The following RAB35 variants were observed in gnomAD, a reference collection of about 807,000 sequenced individuals.
RAB35 encodes RAB35, member RAS oncogene family.
RAB35 carries 4 observed loss-of-function variants against 28.9 expected under a neutral mutation model. That is an observed-to-expected ratio of 0.14 (90% CI 0.07 to 0.32). The LOEUF (loss-of-function observed/expected upper bound fraction) is 0.32, where lower values mean the gene tolerates loss of function less well. Ranked by LOEUF, RAB35 falls within the 10% of genes least tolerant of loss-of-function variation. The pLI, the probability that RAB35 is intolerant of heterozygous loss-of-function variation, is 1.00. For synonymous variants in RAB35, 99 were observed against 105.1 expected (o/e 0.94, Z 0.35); for missense variants, 128 against 274.0 (o/e 0.47, Z 3.76).
intron 2 of RAB35, among the ~76,000 whole-genome samples, chr12:120,105,443 G>C (rs1288740762): frequency 1.3e-5 from 2 of 152,188 alleles, no homozygotes; most frequent in Non-Finnish European, 2.9e-5. Context: ...AAGGCGAACT[G>C]AAAACAGACT....
intron 1 of RAB35, among the ~76,000 whole-genome samples, chr12:120,109,786 G>A (rs553195878): frequency 2.2e-4 from 34 of 151,900 alleles, no homozygotes; most frequent in African/African-American, 7.2e-4. Flanking sequence ...TTACAGGCAT[G>A]AGCCACTGCG....
At chr12:120,099,200 C>G in intron 3 of RAB35, 46 bp from the exon 4 acceptor site, 1 of 1,611,110 alleles carries the variant, frequency 6.2e-7, no homozygotes, top group Non-Finnish European at 8.5e-7. Context: ...CGACAGGAGT[C>G]ACCCCCTTGC....
rs1393901884 is a variant in RAB35, at chr12:120,103,750, T to G, written c.227+76A>C. 2 of 1,571,322 alleles carry G rather than the reference T, an allele frequency of 1.3e-6. No individual in the cohort carries two copies. The highest frequency in any genetic ancestry group is 1.7e-6 in the Non-Finnish European group (2 of 1,156,350). ...GGACCCACCAGTGACATTTCCACCA[T>G]GACCAGGCACCGGTCGCTCAACTGT... is the stretch of plus-strand genomic sequence containing the variant. On this transcript the variant is annotated intron_variant, in intron 3 of 5. Transcript: ENST00000229340. This position sits in a 1 kb window ranked among gnomAD's most constrained non-coding sequence, Gnocchi z 6.1.
intron 1 of RAB35, among the ~76,000 whole-genome samples, chr12:120,114,788 C>A (rs1034335109): frequency 2.6e-5 from 4 of 152,254 alleles, no homozygotes; most frequent in African/African-American, 4.8e-5. Context: ...CTGGGCTTTA[C>A]AGAGGAGAAG....
intron 1 of RAB35, among the ~76,000 whole-genome samples, chr12:120,111,069 G>C (rs978028346): frequency 6.6e-6 from 1 of 152,174 alleles, no homozygotes; most frequent in South Asian, 2.1e-4. Flanking sequence ...CGCCTCACCC[G>C]CCCTGTGCAT....
intron 2 of RAB35, among the ~76,000 whole-genome samples, chr12:120,105,100 G>A (rs186308549): frequency 3.9e-5 from 6 of 152,294 alleles, no homozygotes; most frequent in East Asian, 1.9e-4. Flanking sequence ...TGGCAAGGGC[G>A]TAGGAAAGGT....
At position 120,095,588 on chromosome 12, in the gene RAB35, C is replaced by T. The variant is rs1319583624; in HGVS notation, c.*1657G>A. The T allele has an allele frequency of 1.3e-5, 2 of 152,026 alleles. No individual in the cohort carries two copies. Among genetic ancestry groups the T allele is most frequent in the African/African-American group, 4.8e-5 (2 of 41,276 alleles). The allele number at this position is 152,026 out of a possible 1,614,324, so 9.4% of individuals were successfully genotyped here. A position where few individuals can be genotyped will look rare whatever the true frequency, so the allele number is the denominator to read the frequency against. ...TGCTCCTGCCGCCCCCGCCCCCGAC[C>T]AGATGAGGCTGCCTGCTGGTCAGCC... On this transcript the variant is annotated 3_prime_UTR_variant, in exon 6 of 6. Transcript: ENST00000229340.
intron 3 of RAB35, among the ~76,000 whole-genome samples, chr12:120,101,770 C>A (rs1044291872): frequency 1.1e-4 from 17 of 152,218 alleles, no homozygotes; most frequent in Non-Finnish European, 1.0e-4. Context: ...CCGCTGCCCA[C>A]AGGCCGCCCC....
At chr12:120,110,875 C>T (rs926239691) in intron 1 of RAB35, among the ~76,000 whole-genome samples, 3 of 152,224 alleles carry the variant, frequency 2.0e-5, no homozygotes, top group East Asian at 1.9e-4. Flanking sequence ...CTCCTTGCTC[C>T]GCCGTGAGGC....
intron 1 of RAB35, among the ~76,000 whole-genome samples, chr12:120,110,289 C>CCTTTTTTTTTTTTTTTTTTTTTT (rs1430969524): frequency 4.0e-5 from 1 of 24,966 alleles, no homozygotes; most frequent in African/African-American, 1.9e-4. Flanking sequence ...AAGCCCACAG[C>CCTTTTTTTTTTTTTTTTTTTTTT]ATTTTTTTTT....
chr12:120,104,974 GC>G (rs1396242504), intron 2 of RAB35, among the ~76,000 whole-genome samples: 1 of 152,158 alleles, frequency 6.6e-6, no homozygotes. Context: ...CGGTGTAATT[GC>G]CCAGTCCAGC....
At position 120,104,703 on chromosome 12, in the gene RAB35, G is replaced by A. The variant is rs184679016; in HGVS notation, c.104-754C>T. Among the ~76,000 whole-genome samples the A allele has an allele frequency of 4.8e-3, 729 of 152,254 alleles. 3 individuals carry two copies. Among genetic ancestry groups the A allele is most frequent in the Non-Finnish European group, 8.7e-3 (590 of 68,028 alleles). ...CTGTCGCCCAGGCTGGAGTGAAGTG[G>A]GATTGCACCCTTGACCTTCCCCCAG... On this transcript the variant is annotated intron_variant, in intron 2 of 5. Coordinates refer to ENST00000229340, the MANE Select transcript of RAB35 (RefSeq NM_006861.7).
Position 120,107,118 on chromosome 12 carries a change from C to A in RAB35, c.103+1299G>T, listed in dbSNP as rs562740111. ...ACTCTCCTGCCTCAGCCTCCCCAGTCGCTAGGATTATAGGTATGCACCACC... is the reference window on the plus strand; with the variant it reads ...ACTCTCCTGCCTCAGCCTCCCCAGTAGCTAGGATTATAGGTATGCACCACC... On this transcript the variant is annotated intron_variant, in intron 2 of 5. Transcript: ENST00000229340. Among the ~76,000 whole-genome samples the A allele has an allele frequency of 7.9e-5, 12 of 152,014 alleles. 1 individual carries two copies. Among genetic ancestry groups the A allele is most frequent in the Admixed American group, 4.6e-4 (7 of 15,260 alleles).
chr12:120,107,164 T>C (rs572122522), intron 2 of RAB35, among the ~76,000 whole-genome samples: 2 of 151,492 alleles, frequency 1.3e-5, no homozygotes, highest in South Asian at 2.1e-4. Context: ...AATTTTTGTA[T>C]TTTTAGTAGA....
At chr12:120,104,368 A>C in intron 2 of RAB35, among the ~76,000 whole-genome samples, 1 of 152,140 alleles carries the variant, frequency 6.6e-6, no homozygotes, top group East Asian at 1.9e-4. Flanking sequence ...TTCACTTCCA[A>C]ACACACAAAT....
chr12:120,096,796 C>A lies in RAB35; in HGVS notation c.*449G>T. 1 of 1,291,210 alleles carries A rather than the reference C, an allele frequency of 7.7e-7. No individual in the cohort carries two copies. Among genetic ancestry groups the A allele is most frequent in the South Asian group, 1.2e-5 (1 of 81,048 alleles). 80.0% of individuals were successfully genotyped at this position (1,291,210 alleles called of 1,614,324 possible). ...GCCCACTCCACTGGCACGGGCTGGCCGCAGACGCAGCTAGAACGTGCCGCT... is the reference window on the plus strand; with the variant it reads ...GCCCACTCCACTGGCACGGGCTGGCAGCAGACGCAGCTAGAACGTGCCGCT... On this transcript the variant is annotated 3_prime_UTR_variant, in exon 6 of 6. Coordinates refer to ENST00000229340, the MANE Select transcript of RAB35 (RefSeq NM_006861.7).
At chr12:120,111,860 C>T (rs1476975237) in intron 1 of RAB35, among the ~76,000 whole-genome samples, 1 of 152,172 alleles carries the variant, frequency 6.6e-6, no homozygotes, top group East Asian at 1.9e-4. Flanking sequence ...CAAGCTGCAG[C>T]CATTACCCCA....
At position 120,108,023 on chromosome 12, in the gene RAB35, G is replaced by T. The variant is rs1594243525; in HGVS notation, c.103+394C>A. Among the ~76,000 whole-genome samples, 5 of 152,234 alleles carry T rather than the reference G, an allele frequency of 3.3e-5. No homozygotes were observed. The East Asian group carries it at 9.7e-4, about 29-fold the overall frequency. On this transcript the variant is annotated intron_variant, in intron 2 of 5. Coordinates refer to ENST00000229340, the MANE Select transcript of RAB35 (RefSeq NM_006861.7). ...CACAGAAAGCCCACCGCACTCAGATGAACCACAAAGGCCTGCATGTGGAGC... is the reference window on the plus strand; with the variant it reads ...CACAGAAAGCCCACCGCACTCAGATTAACCACAAAGGCCTGCATGTGGAGC...
At chr12:120,110,002 G>T (rs1414358419) in intron 1 of RAB35, among the ~76,000 whole-genome samples, 1 of 152,168 alleles carries the variant, frequency 6.6e-6, no homozygotes, top group Non-Finnish European at 1.5e-5. Context: ...CATCTCTTGA[G>T]ATGAGGAACC....
Sources: allele counts gnomAD v4.1 joint callset (sites outside exome capture counted in the v4.1 genomes callset), GRCh38; gene constraint gnomAD v4.1.1; non-coding constraint Gnocchi (gnomAD v3.1); transcripts MANE v1.5; gene names NCBI Gene and HGNC (gene_info 2026-07-23, HGNC 2026-07-21).